Variants in COTL1 observed in about 807,000 individuals in gnomAD.
The protein encoded by COTL1 is coactosin like F-actin binding protein 1, also known as coactosin-like protein.
Under a neutral mutation model 16.5 loss-of-function variants are expected in COTL1, and 15 were observed. The ratio of observed to expected loss-of-function variants is 0.91; its 90% CI spans 0.61 to 1.40. The LOEUF (loss-of-function observed/expected upper bound fraction) is 1.40. COTL1 is among the 40% of genes most tolerant of loss of function. COTL1 has a pLI of 0.00. For synonymous variants in COTL1, 112 were observed against 85.3 expected (o/e 1.31, Z -1.73); for missense variants, 220 against 201.5 (o/e 1.09, Z -0.56).
chr16:84,600,255 C>T (rs993525754), intron 2 of COTL1, among the ~76,000 whole-genome samples: 5 of 151,640 alleles, frequency 3.3e-5, no homozygotes, highest in African/African-American at 1.2e-4. Flanking sequence ...AAACCCATTA[C>T]TCTGTTTATT....
intron 3 of COTL1, among the ~76,000 whole-genome samples, chr16:84,585,232 T>C (rs990725025): frequency 2.6e-5 from 4 of 151,736 alleles, no homozygotes; most frequent in Non-Finnish European, 5.9e-5. Context: ...CACACACCTG[T>C]AATCCCCAGC....
intron 3 of COTL1, among the ~76,000 whole-genome samples, chr16:84,588,839 G>A (rs1457730451): frequency 6.6e-6 from 1 of 151,894 alleles, no homozygotes; most frequent in Non-Finnish European, 1.5e-5. Flanking sequence ...TGACAATTTG[G>A]TGATTTCTGG....
intron 3 of COTL1, among the ~76,000 whole-genome samples, chr16:84,579,907 A>C (rs1183613911): frequency 6.6e-6 from 1 of 152,238 alleles, no homozygotes; most frequent in Non-Finnish European, 1.5e-5. Context: ...GGAAACATGC[A>C]CTTCACACAC....
chr16:84,600,501 C>T (rs116684384), intron 2 of COTL1, among the ~76,000 whole-genome samples: 4 of 152,036 alleles, frequency 2.6e-5, no homozygotes, highest in East Asian at 1.9e-4. Context: ...TTAGTACAGA[C>T]GGGCTTTCAC....
chr16:84,597,685 G>A (rs930076409), intron 2 of COTL1, among the ~76,000 whole-genome samples: 2 of 152,156 alleles, frequency 1.3e-5, no homozygotes, highest in African/African-American at 4.8e-5. Context: ...CGAGACAAAG[G>A]TCTCAAGGAC....
intron 3 of COTL1, among the ~76,000 whole-genome samples, chr16:84,589,852 G>A (rs1904818687): frequency 6.6e-6 from 1 of 152,098 alleles, no homozygotes; most frequent in African/African-American, 2.4e-5. Context: ...ACCCACGGAG[G>A]CAGGCACCCA....
chr16:84,610,111 G>A (rs35963052), intron 2 of COTL1, among the ~76,000 whole-genome samples: 42,067 of 152,040 alleles, frequency 0.28, 6,291 homozygotes, highest in East Asian at 0.44. Flanking sequence ...TCTCCTCTTG[G>A]TCTCACAAGG....
chr16:84,590,989 T>C lies in COTL1; in HGVS notation c.161-727A>G, dbSNP rs1904847204. On this transcript the variant is annotated intron_variant, in intron 2 of 3. Transcript: ENST00000262428. The surrounding 1 kb of genome is among the most constrained non-coding windows in gnomAD (Gnocchi z 5.5). ...ACATTTCCATTGGCTGTGTTATGCT[T>C]GTTCTATCTTATATAGTCATTTTTA... Among the ~76,000 whole-genome samples the C allele has an allele frequency of 6.6e-6, 1 of 152,216 alleles. No individual in the cohort carries two copies. The highest frequency in any genetic ancestry group is 2.1e-4 in the South Asian group (1 of 4,828).
At chr16:84,581,634 G>C (rs1450179367) in intron 3 of COTL1, among the ~76,000 whole-genome samples, 3 of 152,134 alleles carry the variant, frequency 2.0e-5, no homozygotes, top group Non-Finnish European at 4.4e-5. Flanking sequence ...CTCCGGAGTA[G>C]CTGGGATTAC....
In COTL1 at chr16:84,566,115, A is replaced by T. The variant is rs1904297179; in HGVS notation, c.*730T>A. The T allele has an allele frequency of 6.5e-6, 1 of 152,748 alleles. No individual in the cohort carries two copies. Among genetic ancestry groups the T allele is most frequent in the Admixed American group, 6.5e-5 (1 of 15,274 alleles). The allele number at this position is 152,748 out of a possible 1,614,324, so 9.5% of individuals were successfully genotyped here. A position where few individuals can be genotyped will look rare whatever the true frequency, so the allele number is the denominator to read the frequency against. ...GTGTCACAAGGAAATTTCGGTCAAG[A>T]GGGTGGGAACAGGTGGTTTCAGACC... On this transcript the variant is annotated 3_prime_UTR_variant, in exon 4 of 4. Transcript: ENST00000262428.
At chr16:84,578,688 C>G (rs964365916) in intron 3 of COTL1, among the ~76,000 whole-genome samples, 2 of 150,988 alleles carry the variant, frequency 1.3e-5, no homozygotes, top group African/African-American at 2.4e-5. Flanking sequence ...CACACACACA[C>G]AGGAATGTAC....
chr16:84,617,390 G>A, intron 2 of COTL1, 111 bp downstream of exon 2: 1 of 956,966 alleles, frequency 1.0e-6, no homozygotes, highest in South Asian at 1.4e-5. Context: ...CATGCGCCAG[G>A]GGCACCCCAT....
At chr16:84,614,646 G>C (rs1171689716) in intron 2 of COTL1, among the ~76,000 whole-genome samples, 1 of 152,126 alleles carries the variant, frequency 6.6e-6, no homozygotes, top group Non-Finnish European at 1.5e-5. Flanking sequence ...GAAGAAACTG[G>C]GTGCTGTTTC....
intron 3 of COTL1, among the ~76,000 whole-genome samples, chr16:84,571,240 G>T (rs758173569): frequency 6.6e-6 from 1 of 152,086 alleles, no homozygotes; most frequent in Non-Finnish European, 1.5e-5. Context: ...CTGCCAAGGT[G>T]TACAGCCTGG....
intron 2 of COTL1, among the ~76,000 whole-genome samples, chr16:84,606,874 C>A (rs947010234): frequency 1.3e-5 from 2 of 152,238 alleles, no homozygotes; most frequent in South Asian, 2.1e-4. Context: ...CAGGCGCCTA[C>A]AGCCCATAAG....
chr16:84,599,177 G>A (rs1043622640), intron 2 of COTL1, among the ~76,000 whole-genome samples: 12 of 150,218 alleles, frequency 8.0e-5, no homozygotes, highest in Non-Finnish European at 1.8e-4. Flanking sequence ...TCACCAGGGC[G>A]GCCCCCACCC....
At chr16:84,604,362 C>T (rs915652526) in intron 2 of COTL1, among the ~76,000 whole-genome samples, 12 of 143,046 alleles carry the variant, frequency 8.4e-5, no homozygotes, top group African/African-American at 3.2e-4. Flanking sequence ...GGTTCCTGTC[C>T]TCCTGCCCAC....
At chr16:84,598,657 A>ACCCC (rs139413763) in intron 2 of COTL1, among the ~76,000 whole-genome samples, 3 of 137,900 alleles carry the variant, frequency 2.2e-5, no homozygotes, top group Non-Finnish European at 3.2e-5. Context: ...CTCCCCCCCA[A>ACCCC]CCCCCCCCAC....
chr16:84,576,550 A>G (rs965647436), intron 3 of COTL1: 4 of 152,226 alleles, frequency 2.6e-5, no homozygotes, highest in African/African-American at 9.7e-5. Flanking sequence ...CTGAGAATAG[A>G]AAAATAGAAG....
Sources: gnomAD v4.1 joint callset for allele counts (sites outside exome capture counted in the v4.1 genomes callset) on GRCh38, gnomAD v4.1.1 for gene constraint, Gnocchi (gnomAD v3.1) non-coding constraint, MANE v1.5 for transcripts, NCBI Gene and HGNC (gene_info 2026-07-23, HGNC 2026-07-21) for gene names.